Variants in SPOCK1 observed in about 807,000 individuals in gnomAD.
The protein encoded by SPOCK1 is testican-1.
SPOCK1 carries 23 observed loss-of-function variants against 55.3 expected under a neutral mutation model. The ratio of observed to expected loss-of-function variants is 0.42; its 90% CI spans 0.30 to 0.59. The LOEUF (loss-of-function observed/expected upper bound fraction) is 0.59, where lower values mean the gene tolerates loss of function less well. Among genes scored for constraint, SPOCK1 ranks in the 20% least tolerant of loss-of-function variants. The pLI is 0.22. For synonymous variants in SPOCK1, 226 were observed against 221.0 expected, an observed-to-expected ratio of 1.02 and a Z score of -0.20; for missense variants, 499 against 552.5, an observed-to-expected ratio of 0.90 and a Z score of 0.97.
chr5:137,265,757 A>G (rs1200519480), intron 3 of SPOCK1, among the ~76,000 whole-genome samples: 1 of 152,154 alleles, frequency 6.6e-6, no homozygotes, highest in Admixed American at 6.5e-5. Context: ...ACAAAAACAT[A>G]TACAGTTCTC....
At chr5:137,394,791 T>C (rs1384040268) in intron 2 of SPOCK1, among the ~76,000 whole-genome samples, 2 of 152,192 alleles carry the variant, frequency 1.3e-5, no homozygotes, top group Admixed American at 1.3e-4. Flanking sequence ...TTTAAGATAG[T>C]CTCCAGAGCA....
chr5:137,402,319 G>A (rs528831608), intron 2 of SPOCK1, among the ~76,000 whole-genome samples: 7 of 152,260 alleles, frequency 4.6e-5, no homozygotes, highest in Non-Finnish European at 1.0e-4. Context: ...TATGCTTATG[G>A]CATTATAACA....
chr5:136,976,849 T>C lies in SPOCK1; in HGVS notation c.*1805A>G, dbSNP rs1382591263. 1 of 152,230 alleles carries C rather than the reference T, an allele frequency of 6.6e-6. No individual in the cohort carries two copies. Among genetic ancestry groups the C allele is most frequent in the African/African-American group, 2.4e-5 (1 of 41,458 alleles). 9.4% of individuals were successfully genotyped at this position (152,230 alleles called of 1,614,324 possible). A position where few individuals can be genotyped will look rare whatever the true frequency, so the allele number is the denominator to read the frequency against. On this transcript the variant is annotated 3_prime_UTR_variant, in exon 11 of 11. Coordinates refer to ENST00000394945, the MANE Select transcript of SPOCK1 (RefSeq NM_004598.4). ...AGACCAACTATAGGTATGATGCTACTGTATTCAGGCAATGCCGACTGGATT... is the reference window on the plus strand; with the variant it reads ...AGACCAACTATAGGTATGATGCTACCGTATTCAGGCAATGCCGACTGGATT...
At chr5:137,440,314 A>G (rs1320404074) in intron 2 of SPOCK1, among the ~76,000 whole-genome samples, 1 of 152,202 alleles carries the variant, frequency 6.6e-6, no homozygotes, top group Non-Finnish European at 1.5e-5. Context: ...GAAGAAAGGA[A>G]GGAAAGAGAA....
In SPOCK1 at chr5:136,975,300, G is replaced by C. The variant is rs1472440347; in HGVS notation, c.*3354C>G. On this transcript the variant is annotated 3_prime_UTR_variant, in exon 11 of 11. Transcript: ENST00000394945. ...AATGAAATACAAACACTCAGATATT[G>C]CAGACAAAGTAAAATTTATTGAGAC... The C allele has an allele frequency of 6.6e-6, 1 of 152,648 alleles. No homozygotes were observed. The highest frequency in any genetic ancestry group is 2.4e-5 in the African/African-American group (1 of 41,446). 9.5% of individuals were successfully genotyped at this position (152,648 alleles called of 1,614,324 possible).
At position 137,024,319 on chromosome 5, in the gene SPOCK1, G is replaced by GC. The variant is rs1554093483; in HGVS notation, c.590-31720_590-31719insG. On this transcript the variant is annotated intron_variant, in intron 6 of 10. Transcript: ENST00000394945. ...ACTAAATTGCACCAGTTTGAAGGGG[G>GC]GGGGGTAGTTACAACTGACTGCTCA... Among the ~76,000 whole-genome samples the GC allele has an allele frequency of 1.6e-4, 24 of 148,274 alleles. 2 individuals are homozygous for GC. The South Asian group carries it at 5.4e-3, about 33-fold the overall frequency.
At chr5:137,086,589 G>A (rs544913038) in intron 5 of SPOCK1, among the ~76,000 whole-genome samples, 15 of 152,206 alleles carry the variant, frequency 9.9e-5, no homozygotes, top group East Asian at 5.8e-4. Context: ...TCTGTATGCC[G>A]GGTTGGAATG....
At chr5:137,162,961 G>A (rs1308288864) in intron 3 of SPOCK1, among the ~76,000 whole-genome samples, 1 of 152,188 alleles carries the variant, frequency 6.6e-6, no homozygotes, top group Non-Finnish European at 1.5e-5. Flanking sequence ...TTTGGGAATG[G>A]AGAAGCAGAA....
intron 5 of SPOCK1, among the ~76,000 whole-genome samples, chr5:137,090,947 T>C (rs1205561847): frequency 4.6e-5 from 7 of 152,160 alleles, no homozygotes; most frequent in East Asian, 1.9e-4. Flanking sequence ...CCCATCTCTT[T>C]ACATACTAAT....
At chr5:137,279,819 C>A (rs1373247269) in intron 2 of SPOCK1, among the ~76,000 whole-genome samples, 1 of 152,244 alleles carries the variant, frequency 6.6e-6, no homozygotes, top group African/African-American at 2.4e-5. Flanking sequence ...CCCTTCCAAT[C>A]CAGCAGCAAG....
intron 5 of SPOCK1, among the ~76,000 whole-genome samples, chr5:137,074,051 C>A (rs1429505162): frequency 6.6e-6 from 1 of 151,906 alleles, no homozygotes; most frequent in Non-Finnish European, 1.5e-5. Flanking sequence ...AAAGGTTGAA[C>A]CCGACTCTAT....
chr5:137,295,541 T>G (rs1156426690), intron 2 of SPOCK1, among the ~76,000 whole-genome samples: 1 of 152,224 alleles, frequency 6.6e-6, no homozygotes, highest in Non-Finnish European at 1.5e-5. Flanking sequence ...TTATCACTTC[T>G]GACAATTTTA....
chr5:137,296,791 C>A (rs1268012146), intron 2 of SPOCK1, among the ~76,000 whole-genome samples: 1 of 152,174 alleles, frequency 6.6e-6, no homozygotes, highest in Non-Finnish European at 1.5e-5. Flanking sequence ...CAGGCTCACA[C>A]AGGTGGGAGA....
intron 3 of SPOCK1, among the ~76,000 whole-genome samples, chr5:137,158,234 C>T (rs11745960): frequency 0.13 from 19,256 of 152,102 alleles, 1,401 homozygotes; most frequent in East Asian, 0.22. Context: ...AAGGAGGAGC[C>T]CCAGGGCAGA....
chr5:137,125,943 G>A (rs184763630), intron 4 of SPOCK1, among the ~76,000 whole-genome samples: 13 of 152,264 alleles, frequency 8.5e-5, no homozygotes, highest in Non-Finnish European at 1.3e-4. Context: ...AGCTTTGATC[G>A]CCTTAGAGAA....
chr5:137,007,188 C>A (rs931002197), intron 6 of SPOCK1, among the ~76,000 whole-genome samples: 2 of 152,056 alleles, frequency 1.3e-5, no homozygotes, highest in African/African-American at 4.8e-5. Context: ...CATAAAAACC[C>A]TAGAATAAAA....
At chr5:137,120,007 T>C (rs1753656728) in intron 4 of SPOCK1, among the ~76,000 whole-genome samples, 1 of 152,120 alleles carries the variant, frequency 6.6e-6, no homozygotes, top group Admixed American at 6.5e-5. Context: ...GGAGATTTCA[T>C]GGGAAAGCAG....
chr5:137,304,379 C>G (rs940863513), intron 2 of SPOCK1, among the ~76,000 whole-genome samples: 2 of 152,168 alleles, frequency 1.3e-5, no homozygotes, highest in African/African-American at 2.4e-5. Flanking sequence ...AAGCCCTGCC[C>G]CAGCTGCTTT....
chr5:137,356,832 TATATATAGAG>T (rs1487340455), intron 2 of SPOCK1, among the ~76,000 whole-genome samples: 4 of 10,186 alleles, frequency 3.9e-4, no homozygotes, highest in African/African-American at 7.7e-4. Context: ...TATATATATA[TATATATAGAG>T]AGAGAGAGAG....
Sources: gnomAD v4.1 joint callset for allele counts (sites outside exome capture counted in the v4.1 genomes callset) on GRCh38, gnomAD v4.1.1 for gene constraint, MANE v1.5 for transcripts, NCBI Gene and HGNC (gene_info 2026-07-23, HGNC 2026-07-21) for gene names.